FOXK1: variants seen among roughly 807,000 people sequenced by gnomAD.
FOXK1 encodes forkhead box protein K1.
In FOXK1, 19 loss-of-function variants were observed where a neutral mutation model predicts 51.9. The observed-to-expected ratio is 0.37, with a 90% CI of 0.26 to 0.54. The LOEUF is 0.54. Ranked by LOEUF, FOXK1 falls within the 20% of genes least tolerant of loss-of-function variation. FOXK1 has a pLI of 0.87. For synonymous variants in FOXK1, 537 were observed against 482.6 expected (o/e 1.11, Z -1.48); for missense variants, 870 against 1,032.7 (o/e 0.84, Z 2.16).
rs1780041652 is a variant in FOXK1 at position 4,703,192 on chromosome 7, T to C, written c.560+20324T>C. Among the ~76,000 whole-genome samples the C allele has an allele frequency of 6.6e-6, 1 of 151,778 alleles. No homozygotes were observed. The highest frequency in any genetic ancestry group is 1.5e-5 in the Non-Finnish European group (1 of 67,940). ...GGCTGGGAGGGCGTTTCTGAGGAAGTGCTGTTTTAGCCGAGGTCTAAGTTA... is the reference window on the plus strand; with the variant it reads ...GGCTGGGAGGGCGTTTCTGAGGAAGCGCTGTTTTAGCCGAGGTCTAAGTTA... On this transcript the variant is annotated intron_variant, in intron 1 of 8. Transcript: ENST00000328914. The surrounding 1 kb of genome is among the most constrained non-coding windows in gnomAD (Gnocchi z 5.6).
At position 4,762,240 on chromosome 7, in the gene FOXK1, G is replaced by T. The variant is rs750211580; in HGVS notation, c.1978G>T (p.Val660Leu). The change falls in exon 9 of 9, where the codon GTG becomes TTG. Residue 660 changes from valine to leucine, a missense_variant. Coordinates refer to ENST00000328914, the MANE Select transcript of FOXK1 (RefSeq NM_001037165.2). This position sits in a 1 kb window ranked among gnomAD's most constrained non-coding sequence, Gnocchi z 5.7. ...ATQASSSAPV[V>L]VTRVCEVGPK... is the part of the protein sequence containing the mutation. ...CCAAGCGAGTTCATCCGCGCCGGTG[G>T]TGGTCACCCGGGTGTGCGAGGTGGG... is the stretch of plus-strand genomic sequence containing the variant. 4 of 1,553,270 alleles carry T rather than the reference G, an allele frequency of 2.6e-6. No individual in the cohort carries two copies. In the Admixed American group the frequency reaches 7.8e-5, roughly 30 times the overall value.
At chr7:4,706,858 T>C (rs1288752125) in intron 1 of FOXK1, among the ~76,000 whole-genome samples, 1 of 146,812 alleles carries the variant, frequency 6.8e-6, no homozygotes, top group Non-Finnish European at 1.5e-5. Context: ...CCAATGCCCC[T>C]GTAGCCTGGA....
chr7:4,735,700 A>C lies in FOXK1; in HGVS notation c.561-5138A>C, dbSNP rs535095609. Reference sequence around the variant, plus strand: ...AACCTTAGCGGAATCTCCGCCGGTCAAGACCGGCAGTGTGTGTGGCTGGGT... The same window carrying C: ...AACCTTAGCGGAATCTCCGCCGGTCCAGACCGGCAGTGTGTGTGGCTGGGT... On this transcript the variant is annotated intron_variant, in intron 1 of 8. Transcript: ENST00000328914. The surrounding 1 kb of genome is among the most constrained non-coding windows in gnomAD (Gnocchi z 4.7). Among the ~76,000 whole-genome samples the C allele has an allele frequency of 1.3e-5, 2 of 152,212 alleles. No individual in the cohort carries two copies. Among genetic ancestry groups the C allele is most frequent in the South Asian group, 4.1e-4 (2 of 4,834 alleles).
rs1562397664 is a variant in FOXK1 at position 4,770,892 on chromosome 7, TG to T, written c.*8429del. On this transcript the variant is annotated 3_prime_UTR_variant, in exon 9 of 9. Transcript: ENST00000328914. ...GTGTGTGTGTGTGTGTGTGTGTGTG[TG>T]TGTGTGTGTATTTTTTTTTTTACAG... is the stretch of plus-strand genomic sequence containing the variant. 1.9e-4 allele frequency: 29 copies of T among 151,550 alleles called. No individual in the cohort carries two copies. Among genetic ancestry groups the T allele is most frequent in the African/African-American group, 6.8e-4 (28 of 40,974 alleles). The allele number at this position is 151,550 out of a possible 1,614,324, so 9.4% of individuals were successfully genotyped here.
At chr7:4,710,404 G>A (rs576296463) in intron 1 of FOXK1, among the ~76,000 whole-genome samples, 7 of 152,136 alleles carry the variant, frequency 4.6e-5, no homozygotes, top group Admixed American at 1.3e-4. Flanking sequence ...GTGAAACCCC[G>A]TCTCTACTAA....
rs751040398 is a variant in FOXK1, at chr7:4,709,361, C to T, written c.560+26493C>T. 2.0e-5 allele frequency among the ~76,000 whole-genome samples: 3 copies of T among 152,208 alleles called. No homozygotes were observed. The highest frequency in any genetic ancestry group is 6.5e-5 in the Admixed American group (1 of 15,288). ...TCCCAGTGTCACGTTGCTGCGTCCA[C>T]GAGCCTGGCTTCCGCTTCCATTCTC... On this transcript the variant is annotated intron_variant, in intron 1 of 8. Coordinates refer to ENST00000328914, the MANE Select transcript of FOXK1 (RefSeq NM_001037165.2). The surrounding 1 kb of genome is among the most constrained non-coding windows in gnomAD (Gnocchi z 5.6).
rs1198293025 is a variant in FOXK1, at chr7:4,715,097, A to G, written c.561-25741A>G. 6.6e-6 allele frequency among the ~76,000 whole-genome samples: 1 copy of G among 151,962 alleles called. No individual in the cohort carries two copies. The highest frequency in any genetic ancestry group is 6.6e-5 in the Admixed American group (1 of 15,242). On this transcript the variant is annotated intron_variant, in intron 1 of 8. Coordinates refer to ENST00000328914, the MANE Select transcript of FOXK1 (RefSeq NM_001037165.2). This position sits in a 1 kb window ranked among gnomAD's most constrained non-coding sequence, Gnocchi z 4.5. ...GTTTCACGGCTTTAGTACAGAAAAT[A>G]TTCAAAGCCAGTGCAGCTGGAATTG...
intron 1 of FOXK1, among the ~76,000 whole-genome samples, chr7:4,706,604 C>T (rs1304119768): frequency 2.0e-5 from 3 of 152,202 alleles, no homozygotes; most frequent in Non-Finnish European, 2.9e-5. Context: ...ACACCCACCC[C>T]ACCAGCTGGA....
rs1780664459 is a variant in FOXK1 at position 4,743,705 on chromosome 7, ACACC to A, written c.746+2683_746+2686del. ...CCAGCTCACGTGCTAGTGGAAGCTC[ACACC>A]AGAAGAGGCTGGTCCTGCTGCTTTT... is the stretch of plus-strand genomic sequence containing the variant. On this transcript the variant is annotated intron_variant, in intron 2 of 8. Transcript: ENST00000328914. The surrounding 1 kb of genome is among the most constrained non-coding windows in gnomAD (Gnocchi z 5.3). Among the ~76,000 whole-genome samples the A allele has an allele frequency of 6.6e-6, 1 of 152,224 alleles. No individual in the cohort carries two copies. The highest frequency in any genetic ancestry group is 1.5e-5 in the Non-Finnish European group (1 of 68,034).
rs1381863990 is a variant in FOXK1 at position 4,770,719 on chromosome 7, T to G, written c.*8255T>G. The G allele has an allele frequency of 6.6e-6, 1 of 152,174 alleles. No homozygotes were observed. The highest frequency in any genetic ancestry group is 1.5e-5 in the Non-Finnish European group (1 of 68,060). The allele number at this position is 152,174 out of a possible 1,614,324, so 9.4% of individuals were successfully genotyped here. A position where few individuals can be genotyped will look rare whatever the true frequency, so the allele number is the denominator to read the frequency against. ...TGTCGCTGAGTCCAGACACTTGGGCTGCACGTGCCCTGCAGATGACAAAGG... is the reference window on the plus strand; with the variant it reads ...TGTCGCTGAGTCCAGACACTTGGGCGGCACGTGCCCTGCAGATGACAAAGG... On this transcript the variant is annotated 3_prime_UTR_variant, in exon 9 of 9. Transcript: ENST00000328914.
At position 4,732,513 on chromosome 7, in the gene FOXK1, C is replaced by T. The variant is rs994623224; in HGVS notation, c.561-8325C>T. The stretch of plus-strand genomic sequence containing the variant: ...CTCACTGTGTTGCCCAGGCTGATCT[C>T]GAACTCCTAGGGTCAAGCGATCGTC... On this transcript the variant is annotated intron_variant, in intron 1 of 8. Transcript: ENST00000328914. 8.1e-4 allele frequency among the ~76,000 whole-genome samples: 124 copies of T among 152,280 alleles called. 1 individual carries two copies. Among genetic ancestry groups the T allele is most frequent in the African/African-American group, 2.9e-3 (120 of 41,550 alleles).
At position 4,707,368 on chromosome 7, in the gene FOXK1, A is replaced by G. The variant is rs530809172; in HGVS notation, c.560+24500A>G. ...AGATGGGACGGAGAGTGCAATTTAC[A>G]TAACAATTAAGCTAGTTTAGTACAT... On this transcript the variant is annotated intron_variant, in intron 1 of 8. Transcript: ENST00000328914. The surrounding 1 kb of genome is among the most constrained non-coding windows in gnomAD (Gnocchi z 4.1). Among the ~76,000 whole-genome samples the G allele has an allele frequency of 2.6e-5, 4 of 152,372 alleles. No homozygotes were observed. The East Asian group carries it at 7.7e-4, about 29-fold the overall frequency.
rs954216554 is a variant in FOXK1, at chr7:4,761,918, G to A, written c.1922-266G>A. On this transcript the variant is annotated intron_variant, in intron 8 of 8. Transcript: ENST00000328914. The surrounding 1 kb of genome is among the most constrained non-coding windows in gnomAD (Gnocchi z 6.2). ...GCAGTGCATCTGTGTAAAGGAGTGA[G>A]GCAAGCCGTCGATGTCCAGCAGGAT... Among the ~76,000 whole-genome samples, 1 of 152,032 alleles carries A rather than the reference G, an allele frequency of 6.6e-6. No individual in the cohort carries two copies. The highest frequency in any genetic ancestry group is 1.5e-5 in the Non-Finnish European group (1 of 68,002).
rs10277273 is a variant in FOXK1 at position 4,745,498 on chromosome 7, T to G, written c.746+4475T>G. Among the ~76,000 whole-genome samples the G allele has an allele frequency of 0.56, 84,839 of 151,734 alleles. 24,757 individuals carry two copies. The highest frequency in any genetic ancestry group is 0.85 in the East Asian group (4,382 of 5,140). ...TGTGTGTGTGTGTGTGTTTCTGATT[T>G]ATTTTTTTCTGCCCTGAAGTACTCC... On this transcript the variant is annotated intron_variant, in intron 2 of 8. Coordinates refer to ENST00000328914, the MANE Select transcript of FOXK1 (RefSeq NM_001037165.2). This position sits in a 1 kb window ranked among gnomAD's most constrained non-coding sequence, Gnocchi z 4.3.
intron 1 of FOXK1, among the ~76,000 whole-genome samples, chr7:4,727,609 C>T (rs78788794): frequency 0.017 from 2,652 of 152,314 alleles, 73 homozygotes; most frequent in African/African-American, 0.06. Flanking sequence ...CCACGGCGCC[C>T]GGCCTGATTT....
At chr7:4,686,441 A>G (rs966314290) in intron 1 of FOXK1, among the ~76,000 whole-genome samples, 2 of 152,196 alleles carry the variant, frequency 1.3e-5, no homozygotes, top group African/African-American at 4.8e-5. Flanking sequence ...TGGGGGAAAA[A>G]AAAGACTTGT....
At chr7:4,700,506 A>G (rs1490384836) in intron 1 of FOXK1, among the ~76,000 whole-genome samples, 1 of 152,178 alleles carries the variant, frequency 6.6e-6, no homozygotes, top group Non-Finnish European at 1.5e-5. Context: ...GAGATACATT[A>G]GAAGTATTTA....
At chr7:4,750,995 G>C (rs1365897303) in intron 2 of FOXK1, among the ~76,000 whole-genome samples, 1 of 149,410 alleles carries the variant, frequency 6.7e-6, no homozygotes, top group Non-Finnish European at 1.5e-5. Flanking sequence ...GTGAGCCACC[G>C]TGCCTGGCCT....
At chr7:4,706,183 GT>G (rs1780100116) in intron 1 of FOXK1, among the ~76,000 whole-genome samples, 1 of 151,754 alleles carries the variant, frequency 6.6e-6, no homozygotes. Flanking sequence ...ATTTCAGCGC[GT>G]TTTCCTCCTG....
Sources: gnomAD v4.1 joint callset for allele counts (sites outside exome capture counted in the v4.1 genomes callset) on GRCh38, gnomAD v4.1.1 for gene constraint, Gnocchi (gnomAD v3.1) non-coding constraint, MANE v1.5 for transcripts, NCBI Gene and HGNC (gene_info 2026-07-23, HGNC 2026-07-21) for gene names.